The following EIF2AK3 variants were observed in gnomAD, a reference collection of about 807,000 sequenced individuals.
The protein encoded by EIF2AK3 is eukaryotic translation initiation factor 2-alpha kinase 3.
A neutral mutation model predicts 113.5 loss-of-function variants in EIF2AK3; 50 were observed. The observed-to-expected ratio is 0.44, with a 90% confidence interval of 0.35 to 0.56. EIF2AK3 has a LOEUF of 0.56. Ranked by LOEUF, EIF2AK3 falls within the 20% of genes least tolerant of loss-of-function variation. The pLI is 0.00. For synonymous variants in EIF2AK3, 448 were observed against 495.4 expected, an observed-to-expected ratio of 0.90 and a Z score of 1.27; for missense variants, 1,185 against 1,378.0, an observed-to-expected ratio of 0.86 and a Z score of 2.22.
Position 88,588,785 on chromosome 2 carries a change from T to C in EIF2AK3, c.1282A>G (p.Thr428Ala). 1.2e-6 allele frequency: 2 copies of C among 1,613,752 alleles called. No individual in the cohort carries two copies. Among genetic ancestry groups the C allele is most frequent in the Non-Finnish European group, 1.7e-6 (2 of 1,179,824 alleles). Residue 428 changes from threonine (T) to alanine (A), a missense_variant, in exon 7 of 17, where the codon ACA (threonine) becomes GCA (alanine). Coordinates refer to ENST00000303236, the MANE Select transcript of EIF2AK3 (RefSeq NM_004836.7). ...TNENAIIPLP[T>A]IKWKPLIHSP... The stretch of plus-strand genomic sequence containing the variant: ...CGAATTAAGGGTTTCCATTTGATTG[T>C]TGGTAAAGGAATAATTGCGTTTTCA...
At chr2:88,588,680 G>T in intron 7 of EIF2AK3, 81 bp downstream of exon 7, 1 of 1,416,660 alleles carries the variant, frequency 7.1e-7, no homozygotes, top group Non-Finnish European at 1.0e-6. Context: ...TATCTCTGCA[G>T]TATTCAAAAC....
At chr2:88,625,837 T>A (rs954306192) in intron 1 of EIF2AK3, among the ~76,000 whole-genome samples, 10 of 151,992 alleles carry the variant, frequency 6.6e-5, no homozygotes, top group Non-Finnish European at 1.3e-4. Context: ...AAACTTTGTT[T>A]TATATATATA....
At chr2:88,619,257 C>T (rs1333532698) in intron 1 of EIF2AK3, among the ~76,000 whole-genome samples, 2 of 152,156 alleles carry the variant, frequency 1.3e-5, no homozygotes, top group African/African-American at 4.8e-5. Flanking sequence ...TCCTAAAGTG[C>T]TGGGATTATA....
chr2:88,566,254 G>A (rs750669366), intron 14 of EIF2AK3, among the ~76,000 whole-genome samples: 1 of 152,034 alleles, frequency 6.6e-6, no homozygotes, highest in Non-Finnish European at 1.5e-5. Flanking sequence ...ATCTCCAAAT[G>A]GAACTTTGAA....
Position 88,585,957 on chromosome 2 carries a change from T to C in EIF2AK3, c.1534A>G (p.Lys512Glu). The C allele has an allele frequency of 3.1e-6, 5 of 1,614,180 alleles. No homozygotes were observed. The highest frequency in any genetic ancestry group is 4.2e-6 in the Non-Finnish European group (5 of 1,180,002). Reference sequence around the variant, plus strand: ...TGTAAAAGAAGAACAGGATCCTTTTTGCGGATATTCTTGTTGTAATGTGGG... The same window carrying C: ...TGTAAAAGAAGAACAGGATCCTTTTCGCGGATATTCTTGTTGTAATGTGGG... The part of the protein sequence containing the change: ...DNPHYNKNIR[K>E]KDPVLLLHWW... Residue 512 changes from lysine to glutamate, a missense_variant, in exon 9 of 17, where the codon AAA (lysine) becomes GAA (glutamate). Lys to Glu is a moderately conservative substitution (Grantham distance 56). This residue lies in a region of EIF2AK3 where 877 missense variants were observed against 1,024.2 expected (regional missense o/e 0.86). Coordinates refer to ENST00000303236, the MANE Select transcript of EIF2AK3 (RefSeq NM_004836.7).
chr2:88,589,687 TTA>T (rs1558654487), intron 6 of EIF2AK3, among the ~76,000 whole-genome samples: 1 of 149,928 alleles, frequency 6.7e-6, no homozygotes, highest in African/African-American at 2.4e-5. Context: ...TTATAAATAA[TTA>T]TATATATATA....
At chr2:88,575,989 C>T (rs1256137458) in intron 12 of EIF2AK3, among the ~76,000 whole-genome samples, 1 of 152,202 alleles carries the variant, frequency 6.6e-6, no homozygotes, top group Non-Finnish European at 1.5e-5. Flanking sequence ...TTTTAAAGGG[C>T]CTTCCTTCCT....
intron 14 of EIF2AK3, among the ~76,000 whole-genome samples, chr2:88,563,198 C>A (rs1052060737): frequency 6.6e-6 from 1 of 152,184 alleles, no homozygotes. Flanking sequence ...CATACCAGTA[C>A]TTCTTAACTG....
In EIF2AK3 at chr2:88,556,854, A is replaced by G. The variant is rs1281364465; in HGVS notation, c.*882T>C. The G allele has an allele frequency of 8.5e-5, 13 of 152,220 alleles. No individual in the cohort carries two copies. Among genetic ancestry groups the G allele is most frequent in the Admixed American group, 8.5e-4 (13 of 15,280 alleles). The allele number at this position is 152,220 out of a possible 1,614,324, so 9.4% of individuals were successfully genotyped here. ...CAAATGGATTGATTTCAGAATTTTT[A>G]TAAATAAAACATAAACATATTTACA... is the stretch of plus-strand genomic sequence containing the variant. On this transcript the variant is annotated 3_prime_UTR_variant, in exon 17 of 17. Transcript: ENST00000303236.
At chr2:88,607,916 A>AT (rs1675330533) in intron 2 of EIF2AK3, among the ~76,000 whole-genome samples, 1 of 152,232 alleles carries the variant, frequency 6.6e-6, no homozygotes, top group South Asian at 2.1e-4. Context: ...GTCCAATTCT[A>AT]TAACTTTACA....
At chr2:88,615,701 A>G (rs1160564902) in intron 1 of EIF2AK3, among the ~76,000 whole-genome samples, 1 of 152,174 alleles carries the variant, frequency 6.6e-6, no homozygotes, top group African/African-American at 2.4e-5. Flanking sequence ...CCCAACTTAA[A>G]AACCAAACCA....
intron 1 of EIF2AK3, among the ~76,000 whole-genome samples, chr2:88,626,513 T>C (rs1675861841): frequency 6.6e-6 from 1 of 152,210 alleles, no homozygotes; most frequent in African/African-American, 2.4e-5. Flanking sequence ...TCAATCCTTG[T>C]CCGGGGGCAC....
chr2:88,626,881 G>A lies in EIF2AK3; in HGVS notation c.308+86C>T, dbSNP rs575449273. ...CAGCCGAGGGAAGACGCCCGCCCGG[G>A]TCCCGGATCTCCGCCCCCCTACACC... On this transcript the variant is annotated intron_variant, in intron 1 of 16. Coordinates refer to ENST00000303236, the MANE Select transcript of EIF2AK3 (RefSeq NM_004836.7). The A allele has an allele frequency of 1.1e-5, 17 of 1,537,220 alleles. No homozygotes were observed. In the East Asian group the frequency reaches 3.7e-4, roughly 34 times the overall value.
intron 2 of EIF2AK3, among the ~76,000 whole-genome samples, chr2:88,597,107 T>A (rs189128940): frequency 8.1e-4 from 123 of 152,338 alleles, no homozygotes; most frequent in Non-Finnish European, 1.6e-3. Context: ...TTTAAAGGGA[T>A]ACTTACTTGA....
Position 88,558,026 on chromosome 2 carries a change from C to T in EIF2AK3, c.3151-90G>A, listed in dbSNP as rs1448994594. ...TCAGTGCTGGCAAAATATTTCTGTA[C>T]ATATTTTAAGCTTTTGAGCCATATT... On this transcript the variant is annotated intron_variant, in intron 16 of 16. Transcript: ENST00000303236. 4 of 1,326,818 alleles carry T rather than the reference C, an allele frequency of 3.0e-6. No homozygotes were observed. In the Admixed American group the frequency reaches 7.1e-5, roughly 23 times the overall value. The allele number at this position is 1,326,818 out of a possible 1,614,324, so 82.2% of individuals were successfully genotyped here.
At chr2:88,591,507 C>T (rs1480326649) in intron 4 of EIF2AK3, among the ~76,000 whole-genome samples, 3 of 152,160 alleles carry the variant, frequency 2.0e-5, no homozygotes, top group African/African-American at 7.2e-5. Flanking sequence ...ATGCACCAGT[C>T]TTAAATTCAT....
rs1289032685 is a variant in EIF2AK3 at position 88,574,761 on chromosome 2, C to T, written c.2722G>A (p.Glu908Lys). Residue 908 changes from glutamate (E) to lysine (K), a missense_variant, in exon 13 of 17, where the codon GAG becomes AAG. This residue lies in a region of EIF2AK3 where 877 missense variants were observed against 1,024.2 expected (regional missense o/e 0.86). Coordinates refer to ENST00000303236, the MANE Select transcript of EIF2AK3 (RefSeq NM_004836.7). ...DWMNGRCTIEERERSVCLHIF... is the reference protein window; with the variant it reads ...DWMNGRCTIEKRERSVCLHIF... ...TGCAGACACACGCTCCTCTCTCTCT[C>T]CTCTATGGTACATCGTCCATTCATC... 38 of 1,614,112 alleles carry T rather than the reference C, an allele frequency of 2.4e-5. No individual in the cohort carries two copies. The highest frequency in any genetic ancestry group is 3.0e-5 in the Non-Finnish European group (35 of 1,180,040).
intron 14 of EIF2AK3, among the ~76,000 whole-genome samples, chr2:88,568,394 G>A (rs1210475240): frequency 6.6e-6 from 1 of 152,230 alleles, no homozygotes; most frequent in South Asian, 2.1e-4. Context: ...GTGCCAAGCT[G>A]TACCAGTAGC....
At chr2:88,607,595 A>G (rs2104461175) in intron 2 of EIF2AK3, among the ~76,000 whole-genome samples, 1 of 152,326 alleles carries the variant, frequency 6.6e-6, no homozygotes, top group East Asian at 1.9e-4. Flanking sequence ...ATCTGTTCTT[A>G]GTGGAACTGT....
Sources: allele counts gnomAD v4.1 joint callset (sites outside exome capture counted in the v4.1 genomes callset), GRCh38; gene constraint gnomAD v4.1.1; regional missense constraint gnomAD v4.1.1; transcripts MANE v1.5; gene names NCBI Gene and HGNC (gene_info 2026-07-23, HGNC 2026-07-21).